PJVK: variants seen among roughly 807,000 people sequenced by gnomAD.
PJVK encodes the protein pejvakin, also known as autosomal recessive deafness type 59 protein.
PJVK carries 33 observed loss-of-function variants against 37.6 expected under a neutral mutation model. The ratio of observed to expected loss-of-function variants is 0.88; its 90% CI spans 0.67 to 1.17. The LOEUF (loss-of-function observed/expected upper bound fraction) is 1.17. Among genes scored for constraint, PJVK ranks in the 50% most tolerant of loss-of-function variants. The pLI is 0.00. For synonymous variants in PJVK, 141 were observed against 143.5 expected (o/e 0.98, Z 0.13); for missense variants, 410 against 413.8 (o/e 0.99, Z 0.08).
chr2:178,455,645 A>T (rs1684012783), intron 3 of PJVK, among the ~76,000 whole-genome samples: 1 of 146,568 alleles, frequency 6.8e-6, no homozygotes, highest in African/African-American at 2.5e-5. Flanking sequence ...TGCCCAGCTA[A>T]AAAAAAAAAA....
chr2:178,455,928 T>A, intron 3 of PJVK, 82 bp from the exon 4 acceptor site: 1 of 1,507,514 alleles, frequency 6.6e-7, no homozygotes, highest in South Asian at 1.2e-5. Context: ...TATGAATGAA[T>A]AACACATGAT....
chr2:178,453,593 C>A lies in PJVK; in HGVS notation c.184C>A (p.Leu62Ile), dbSNP rs769127391. The change falls in exon 2 of 7, where the codon CTC becomes ATC. Residue 62 changes from leucine to isoleucine, a missense_variant. Transcript: ENST00000644580. ...TSTPFTLKDI[L>I]LGDREISAGI... is the part of the protein sequence containing the mutation. ...AACACCTTTTACACTGAAAGATATTCTCCTAGGAGACAGAGAAATTTCAGC... is the reference window on the plus strand; with the variant it reads ...AACACCTTTTACACTGAAAGATATTATCCTAGGAGACAGAGAAATTTCAGC... 1 of 1,613,444 alleles carries A rather than the reference C, an allele frequency of 6.2e-7. No homozygotes were observed. Among genetic ancestry groups the A allele is most frequent in the East Asian group, 2.2e-5 (1 of 44,856 alleles).
rs185220846 is a variant in PJVK, at chr2:178,460,454, T to C, written c.766+8T>C. On this transcript the variant is annotated splice_region_variant and intron_variant, in intron 6 of 6. Coordinates refer to ENST00000644580, the MANE Select transcript of PJVK (RefSeq NM_001042702.5). ...ATATCCTATTTGAAAGAAGTATGTTTATTGAAGAGTACTGTGAATGTCTTT... is the reference window on the plus strand; with the variant it reads ...ATATCCTATTTGAAAGAAGTATGTTCATTGAAGAGTACTGTGAATGTCTTT... 2,606 of 1,608,602 alleles carry C rather than the reference T, an allele frequency of 1.6e-3. 51 individuals are homozygous for C. In the South Asian group the frequency reaches 0.018, roughly 11 times the overall value.
chr2:178,458,427 A>G, intron 4 of PJVK, 83 bp from the exon 5 acceptor site: 1 of 1,176,200 alleles, frequency 8.5e-7, no homozygotes, highest in Non-Finnish European at 1.2e-6. Context: ...TTTTGGTAGG[A>G]TTATAGGAAA....
In PJVK at chr2:178,451,755, G is replaced by A. The variant is rs1697677538; in HGVS notation, c.-37G>A. On this transcript the variant is annotated 5_prime_UTR_variant, in exon 1 of 7. Transcript: ENST00000644580. ...CCTTTGTCTTCTGGGCTTTCGTCGC[G>A]AGATGGAACGCTGGGTCAGTGCATC... The A allele has an allele frequency of 1.0e-6, 1 of 985,400 alleles. No homozygotes were observed. Among genetic ancestry groups the A allele is most frequent in the Non-Finnish European group, 1.2e-6 (1 of 829,912 alleles). The allele number at this position is 985,400 out of a possible 1,614,324, so 61.0% of individuals were successfully genotyped here.
chr2:178,460,580 T>C (rs1467416438), intron 6 of PJVK, 134 bp downstream of exon 6: 2 of 844,752 alleles, frequency 2.4e-6, no homozygotes, highest in Non-Finnish European at 3.8e-6. Flanking sequence ...TGGTGGCTCA[T>C]GCCTATAATC....
chr2:178,455,617 T>C (rs1370470613), intron 3 of PJVK, among the ~76,000 whole-genome samples: 1 of 151,616 alleles, frequency 6.6e-6, no homozygotes, highest in Non-Finnish European at 1.5e-5. Flanking sequence ...TGGCCTACTG[T>C]TACACATTAA....
chr2:178,454,378 T>G lies in PJVK; in HGVS notation c.258T>G (p.Val86=). The stretch of plus-strand genomic sequence containing the variant: ...TGAATTATGAAGATGAATCAGATGT[T>G]TCACTCTATGGAAGGCGAGGTAACC... ...QLLNYEDESD[V]SLYGRRGNHI... Residue 86 remains valine, a synonymous_variant, in exon 3 of 7, where the codon GTT becomes GTG. Transcript: ENST00000644580. The G allele has an allele frequency of 6.2e-7, 1 of 1,613,864 alleles. No homozygotes were observed. The highest frequency in any genetic ancestry group is 1.1e-5 in the South Asian group (1 of 91,004).
At chr2:178,454,056 T>C (rs1465430212) in intron 2 of PJVK, 4 of 352,798 alleles carry the variant, frequency 1.1e-5, no homozygotes, top group Non-Finnish European at 1.6e-5. Context: ...TTACTACTTA[T>C]AAACGCTTAT....
chr2:178,454,675 C>A, intron 3 of PJVK, 148 bp downstream of exon 3: 1 of 1,449,432 alleles, frequency 6.9e-7, no homozygotes, highest in Non-Finnish European at 9.5e-7. Context: ...GTAGTATATC[C>A]AAACTTTGAA....
chr2:178,458,451 C>T, intron 4 of PJVK, 59 bp from the exon 5 acceptor site: 2 of 1,352,962 alleles, frequency 1.5e-6, no homozygotes, highest in South Asian at 2.5e-5. Flanking sequence ...TTCATTTCTC[C>T]AAAAAGCTAT....
rs762704723 is a variant in PJVK at position 178,461,147 on chromosome 2, T to C, written c.932T>C (p.Leu311Pro). ...NHNIPKGPCI[L>P]CGMGNFKRET... ...AACATTCCCAAAGGGCCTTGCATAC[T>C]CTGTGGAATGGGGAACTTCAAAAGG... Residue 311 changes from leucine to proline, a missense_variant, in exon 7 of 7, where the codon CTC becomes CCC. Physicochemically the swap from Leu to Pro is moderately conservative, Grantham distance 98. Transcript: ENST00000644580. 6.2e-7 allele frequency: 1 copy of C among 1,614,170 alleles called. No individual in the cohort carries two copies. Among genetic ancestry groups the C allele is most frequent in the Non-Finnish European group, 8.5e-7 (1 of 1,180,016 alleles).
intron 6 of PJVK, 55 bp from the exon 7 acceptor site, chr2:178,460,927 A>C (rs1684465035): frequency 6.8e-7 from 1 of 1,481,008 alleles, no homozygotes; most frequent in Admixed American, 1.7e-5. Context: ...TGTTTGCATT[A>C]TGTATTTTTC....
At chr2:178,457,425 G>A (rs1684185033) in intron 4 of PJVK, among the ~76,000 whole-genome samples, 1 of 152,086 alleles carries the variant, frequency 6.6e-6, no homozygotes, top group Non-Finnish European at 1.5e-5. Flanking sequence ...AGACCAACTT[G>A]AGCAAAATAA....
chr2:178,455,549 A>G, intron 3 of PJVK: 1 of 731,164 alleles, frequency 1.4e-6, no homozygotes, highest in South Asian at 1.4e-5. Flanking sequence ...TGGCCCAGGC[A>G]CACAGGTCCC....
intron 3 of PJVK, chr2:178,455,158 T>C: frequency 6.2e-7 from 1 of 1,600,442 alleles, no homozygotes; most frequent in Non-Finnish European, 8.6e-7. Context: ...AGGTGGTGAC[T>C]GTGCATCTGG....
Position 178,454,527 on chromosome 2 carries a change from G to A in PJVK, c.407G>A (p.Arg136Gln), listed in dbSNP as rs755088949. ...VSTLLKEITT[R>Q]KINFDHSLIR... Reference sequence around the variant, plus strand: ...ACATTACTCAAAGAAATTACTACACGGTCAGTATAATAATCCTAATATATT... The same window carrying A: ...ACATTACTCAAAGAAATTACTACACAGTCAGTATAATAATCCTAATATATT... The change falls in exon 3 of 7, where the codon CGA (arginine) becomes CAA (glutamine). Residue 136 changes from arginine to glutamine, a missense_variant and splice_region_variant. Physicochemically the swap from Arg to Gln is conservative, Grantham distance 43. Coordinates refer to ENST00000644580, the MANE Select transcript of PJVK (RefSeq NM_001042702.5). 3.7e-6 allele frequency: 6 copies of A among 1,612,104 alleles called. No homozygotes were observed. The highest frequency in any genetic ancestry group is 1.7e-5 in the Admixed American group (1 of 59,940).
Position 178,460,848 on chromosome 2 carries a change from C to CA in PJVK, c.767-110dup, listed in dbSNP as rs748779811. The CA allele has an allele frequency of 0.13, 38,752 of 299,218 alleles. 2,570 individuals are homozygous for CA. The highest frequency in any genetic ancestry group is 0.36 in the African/African-American group (6,633 of 18,242). 18.5% of individuals were successfully genotyped at this position (299,218 alleles called of 1,614,324 possible). On this transcript the variant is annotated intron_variant, in intron 6 of 6. Transcript: ENST00000644580. ...TGGGTGACAGAGCCAGACCCTGTCTCAAAAAAAAAAAAAAAAAAAAAAAAG... is the reference window on the plus strand; with the variant it reads ...TGGGTGACAGAGCCAGACCCTGTCTCAAAAAAAAAAAAAAAAAAAAAAAAAG...
At position 178,451,724 on chromosome 2, in the gene PJVK, C is replaced by A; in HGVS notation, c.-68C>A. 1 of 969,638 alleles carries A rather than the reference C, an allele frequency of 1.0e-6. No homozygotes were observed. The highest frequency in any genetic ancestry group is 1.2e-6 in the Non-Finnish European group (1 of 815,550). 60.1% of individuals were successfully genotyped at this position (969,638 alleles called of 1,614,324 possible). ...AAACACCCGCTCCTCTCCCGCCGGG[C>A]GGGCTCCTTTGTCTTCTGGGCTTTC... is the stretch of plus-strand genomic sequence containing the variant. On this transcript the variant is annotated 5_prime_UTR_variant, in exon 1 of 7. Coordinates refer to ENST00000644580, the MANE Select transcript of PJVK (RefSeq NM_001042702.5).
Sources: allele counts gnomAD v4.1 joint callset (sites outside exome capture counted in the v4.1 genomes callset), GRCh38; gene constraint gnomAD v4.1.1; transcripts MANE v1.5; gene names NCBI Gene and HGNC (gene_info 2026-07-23, HGNC 2026-07-21).